KCNG2: variants seen among roughly 807,000 people sequenced by gnomAD.
The protein encoded by KCNG2 is potassium voltage-gated channel modifier subfamily G member 2, also known as voltage-gated potassium channel regulatory subunit KCNG2.
A neutral mutation model predicts 12.3 loss-of-function variants in KCNG2; 7 were observed. The ratio of observed to expected loss-of-function variants is 0.57; its 90% confidence interval spans 0.32 to 1.07. The LOEUF (loss-of-function observed/expected upper bound fraction) is 1.07. Ranked by LOEUF, KCNG2 falls within the 50% of genes least tolerant of loss-of-function variation. The probability of loss-of-function intolerance (pLI) is 0.04; values close to 1 mark genes in which losing one functional copy is unlikely to be tolerated. For synonymous variants in KCNG2, 414 were observed against 351.4 expected (o/e 1.18, Z -1.99); for missense variants, 703 against 726.0 (o/e 0.97, Z 0.36).
intron 3 of KCNG2, among the ~76,000 whole-genome samples, chr18:79,898,719 GTTTCTTC>G (rs1380952433): frequency 1.3e-5 from 2 of 152,210 alleles, no homozygotes; most frequent in Non-Finnish European, 2.9e-5. Flanking sequence ...ATAAATAGAT[GTTTCTTC>G]GTTTGCTGTT....
In KCNG2 at chr18:79,882,559, C is replaced by A. The variant is rs551626649; in HGVS notation, c.625-16481C>A. Reference sequence around the variant, plus strand: ...AGACACTTCACCAAAGAAGACACGCCTATGGCAAATACAGCGCTGAACTGT... The same window carrying A: ...AGACACTTCACCAAAGAAGACACGCATATGGCAAATACAGCGCTGAACTGT... On this transcript the variant is annotated intron_variant, in intron 3 of 3. Transcript: ENST00000316249. Among the ~76,000 whole-genome samples the A allele has an allele frequency of 5.2e-4, 80 of 152,400 alleles. 1 individual carries two copies. Among genetic ancestry groups the A allele is most frequent in the African/African-American group, 1.9e-3 (77 of 41,600 alleles).
intron 1 of KCNG2, among the ~76,000 whole-genome samples, chr18:79,850,196 A>T (rs1198115222): frequency 6.6e-6 from 1 of 152,230 alleles, no homozygotes; most frequent in Non-Finnish European, 1.5e-5. Flanking sequence ...ATACATGGAT[A>T]TATAAATAAA....
chr18:79,882,882 G>A (rs546305707), intron 3 of KCNG2, among the ~76,000 whole-genome samples: 1 of 146,696 alleles, frequency 6.8e-6, no homozygotes, highest in South Asian at 2.1e-4. Flanking sequence ...CGCGTGGAGC[G>A]CGGAGGCCGG....
intron 3 of KCNG2, among the ~76,000 whole-genome samples, chr18:79,880,032 T>A (rs145098709): frequency 1.2e-3 from 178 of 152,266 alleles, no homozygotes; most frequent in African/African-American, 4.2e-3. Context: ...ATGTTCACAT[T>A]TTCTTAACAC....
rs1568257803 is a variant in KCNG2, at chr18:79,856,360, C to T, written c.-114-19C>T. Among the ~76,000 whole-genome samples the T allele has an allele frequency of 2.0e-5, 3 of 152,182 alleles. No homozygotes were observed. Among genetic ancestry groups the T allele is most frequent in the Non-Finnish European group, 4.4e-5 (3 of 68,038 alleles). ...TGACTCTCTGTCCCTTAGGGTGAAACTGGATGTTCATTTTCCAGGTCGAAG... is the reference window on the plus strand; with the variant it reads ...TGACTCTCTGTCCCTTAGGGTGAAATTGGATGTTCATTTTCCAGGTCGAAG... On this transcript the variant is annotated intron_variant, in intron 1 of 3. Coordinates refer to ENST00000316249, the MANE Select transcript of KCNG2 (RefSeq NM_012283.2).
At chr18:79,888,840 A>ATT (rs113195725) in intron 3 of KCNG2, among the ~76,000 whole-genome samples, 8 of 148,196 alleles carry the variant, frequency 5.4e-5, no homozygotes, top group African/African-American at 1.7e-4. Context: ...ACGCCCAGCT[A>ATT]TTTTTTTTTT....
At chr18:79,890,532 AACGTTTAG>A (rs1980708841) in intron 3 of KCNG2, among the ~76,000 whole-genome samples, 1 of 152,156 alleles carries the variant, frequency 6.6e-6, no homozygotes, top group African/African-American at 2.4e-5. Context: ...ATGAGCACCC[AACGTTTAG>A]CTCGCACTTA....
At chr18:79,894,242 T>C (rs955900566) in intron 3 of KCNG2, among the ~76,000 whole-genome samples, 2 of 152,038 alleles carry the variant, frequency 1.3e-5, no homozygotes, top group Non-Finnish European at 1.5e-5. Context: ...AATGGTTCAA[T>C]TGATATAGCT....
intron 1 of KCNG2, among the ~76,000 whole-genome samples, chr18:79,834,177 G>A (rs553232625): frequency 1.2e-4 from 18 of 152,226 alleles, no homozygotes; most frequent in Non-Finnish European, 1.2e-4. Context: ...GCGTCAGAGC[G>A]GCTTGGACCA....
intron 1 of KCNG2, among the ~76,000 whole-genome samples, chr18:79,848,281 G>A (rs1381903233): frequency 1.3e-5 from 2 of 152,192 alleles, no homozygotes; most frequent in Non-Finnish European, 2.9e-5. Flanking sequence ...CGCTGCATTC[G>A]TTGCTTAGAG....
In KCNG2 at chr18:79,884,859, G is replaced by A. The variant is rs969198317; in HGVS notation, c.625-14181G>A. The stretch of plus-strand genomic sequence containing the variant: ...TGCTTTTCCCATTCACAGAAACACA[G>A]TAGCGTGCGCGGGTCGGTGATGCAG... On this transcript the variant is annotated intron_variant, in intron 3 of 3. Coordinates refer to ENST00000316249, the MANE Select transcript of KCNG2 (RefSeq NM_012283.2). This position sits in a 1 kb window ranked among gnomAD's most constrained non-coding sequence, Gnocchi z 5.5. Among the ~76,000 whole-genome samples the A allele has an allele frequency of 2.6e-5, 4 of 152,192 alleles. No individual in the cohort carries two copies. The highest frequency in any genetic ancestry group is 9.7e-5 in the African/African-American group (4 of 41,448).
chr18:79,898,598 T>TGTC (rs1981065175), intron 3 of KCNG2, among the ~76,000 whole-genome samples: 5 of 152,176 alleles, frequency 3.3e-5, no homozygotes, highest in Non-Finnish European at 7.3e-5. Context: ...GGGTCTGTGT[T>TGTC]CGTGGCTGCA....
rs572558465 is a variant in KCNG2, at chr18:79,874,571, G to C, written c.624+10280G>C. On this transcript the variant is annotated intron_variant, in intron 3 of 3. Transcript: ENST00000316249. ...GAACAAAGAGAAAAGTGCAAAGCGG[G>C]GGGCCCACCCCAGAATTGATTCTCT... is the stretch of plus-strand genomic sequence containing the variant. Among the ~76,000 whole-genome samples, 18 of 152,342 alleles carry C rather than the reference G, an allele frequency of 1.2e-4. No homozygotes were observed. In the South Asian group the frequency reaches 3.3e-3, roughly 28 times the overall value.
At chr18:79,827,397 G>A (rs1182129748) in intron 1 of KCNG2, among the ~76,000 whole-genome samples, 2 of 152,246 alleles carry the variant, frequency 1.3e-5, no homozygotes, top group African/African-American at 4.8e-5. Context: ...CAGGTGAGAT[G>A]CTATCTTAGG....
intron 1 of KCNG2, among the ~76,000 whole-genome samples, chr18:79,842,810 CAATCAG>C (rs1388389644): frequency 1.3e-5 from 2 of 152,038 alleles, no homozygotes; most frequent in African/African-American, 4.8e-5. Context: ...TGTAGTTATT[CAATCAG>C]AAGAGCAAGA....
chr18:79,827,492 C>T (rs1316889990), intron 1 of KCNG2, among the ~76,000 whole-genome samples: 2 of 152,202 alleles, frequency 1.3e-5, no homozygotes, highest in South Asian at 2.1e-4. Flanking sequence ...CACAGCGGCT[C>T]TCAAACTTGT....
At chr18:79,891,273 C>T (rs1431471181) in intron 3 of KCNG2, among the ~76,000 whole-genome samples, 1 of 151,902 alleles carries the variant, frequency 6.6e-6, no homozygotes, top group Non-Finnish European at 1.5e-5. Flanking sequence ...CTCTGTCACC[C>T]AGGCTGGAGT....
intron 3 of KCNG2, among the ~76,000 whole-genome samples, chr18:79,866,324 G>A (rs1389740431): frequency 8.0e-6 from 1 of 125,776 alleles, no homozygotes; most frequent in South Asian, 2.7e-4. Context: ...CTGAGGTCTG[G>A]GTGCTGAGGT....
chr18:79,804,425 T>C (rs1410692009), intron 1 of KCNG2, among the ~76,000 whole-genome samples: 1 of 152,254 alleles, frequency 6.6e-6, no homozygotes, highest in Non-Finnish European at 1.5e-5. Flanking sequence ...GACTCCTGGC[T>C]GGAGCCAGTG....
Sources: allele counts gnomAD v4.1 joint callset (sites outside exome capture counted in the v4.1 genomes callset), GRCh38; gene constraint gnomAD v4.1.1; non-coding constraint Gnocchi (gnomAD v3.1); transcripts MANE v1.5; gene names NCBI Gene and HGNC (gene_info 2026-07-23, HGNC 2026-07-21).